Variants in PRIM2 observed in about 807,000 individuals in gnomAD.
PRIM2 encodes DNA primase large subunit.
Under a neutral mutation model 67.3 loss-of-function variants are expected in PRIM2, and 39 were observed. That is an observed-to-expected ratio of 0.58 (90% CI 0.45 to 0.76). The LOEUF (loss-of-function observed/expected upper bound fraction) is 0.76. Among genes scored for constraint, PRIM2 ranks in the 30% least tolerant of loss-of-function variants. The pLI, the probability that PRIM2 is intolerant of heterozygous loss-of-function variation, is 0.00. For synonymous variants in PRIM2, 143 were observed against 198.7 expected, an observed-to-expected ratio of 0.72 and a Z score of 2.36; for missense variants, 398 against 598.7, an observed-to-expected ratio of 0.66 and a Z score of 3.50.
intron 5 of PRIM2, among the ~76,000 whole-genome samples, chr6:57,334,925 ATTTCT>A (rs1768173314): frequency 6.6e-6 from 1 of 152,124 alleles, no homozygotes; most frequent in South Asian, 2.1e-4. Flanking sequence ...AAGATGGGTG[ATTTCT>A]GCATTTCCAT....
the PRIM2 span, among the ~76,000 whole-genome samples, chr6:57,236,876 A>G: frequency 5.9e-5 from 9 of 152,182 alleles, no homozygotes; most frequent in Admixed American, 2.0e-4. Context: ...CAATGAACAT[A>G]CTTGTGCATG....
chr6:57,221,835 C>A, the PRIM2 span: 5 of 152,506 alleles, frequency 3.3e-5, no homozygotes, highest in Admixed American at 3.3e-4. Flanking sequence ...CGGTCCGAAC[C>A]GGGGGATGGG....
chr6:57,349,910 T>A (rs1357661511), intron 5 of PRIM2, among the ~76,000 whole-genome samples: 3 of 152,238 alleles, frequency 2.0e-5, no homozygotes, highest in African/African-American at 7.2e-5. Flanking sequence ...AAAAAAAATC[T>A]TCTTAAACCT....
chr6:57,432,429 C>T lies in PRIM2; in HGVS notation c.693+50261C>T, dbSNP rs146242596. On this transcript the variant is annotated intron_variant, in intron 7 of 13. Coordinates refer to ENST00000615550, the MANE Select transcript of PRIM2 (RefSeq NM_000947.5). Reference sequence around the variant, plus strand: ...GAGTTCAGTTCTACTTGTTCTGTGACGGGCACTATTAAACCTAAAAAGAGT... The same window carrying T: ...GAGTTCAGTTCTACTTGTTCTGTGATGGGCACTATTAAACCTAAAAAGAGT... Among the ~76,000 whole-genome samples the T allele has an allele frequency of 3.9e-5, 6 of 152,184 alleles. No individual in the cohort carries two copies. The South Asian group carries it at 6.2e-4, about 16-fold the overall frequency.
the PRIM2 span, among the ~76,000 whole-genome samples, chr6:57,269,453 T>C: frequency 2.0e-5 from 3 of 152,080 alleles, no homozygotes; most frequent in Non-Finnish European, 4.4e-5. Flanking sequence ...TGTCTGTTCA[T>C]GTCCTTTGCC....
At chr6:57,374,303 AT>A (rs778117079) in intron 5 of PRIM2, among the ~76,000 whole-genome samples, 3 of 139,882 alleles carry the variant, frequency 2.1e-5, no homozygotes, top group African/African-American at 7.9e-5. Flanking sequence ...TTATTTATTT[AT>A]TTTTTTTGAG....
At chr6:57,488,228 T>A (rs1773798318) in intron 7 of PRIM2, among the ~76,000 whole-genome samples, 1 of 152,176 alleles carries the variant, frequency 6.6e-6, no homozygotes, top group East Asian at 1.9e-4. Flanking sequence ...GCATGCATAA[T>A]ATTGATTTTA....
At chr6:57,457,700 C>G (rs528501989) in intron 7 of PRIM2, among the ~76,000 whole-genome samples, 1 of 152,152 alleles carries the variant, frequency 6.6e-6, no homozygotes, top group Non-Finnish European at 1.5e-5. Flanking sequence ...CTTTCTTTGA[C>G]TAGGAAAGGG....
intron 13 of PRIM2, among the ~76,000 whole-genome samples, chr6:57,641,088 A>T (rs1777225011): frequency 6.6e-6 from 1 of 152,098 alleles, no homozygotes; most frequent in Admixed American, 6.6e-5. Flanking sequence ...AATGCCACAG[A>T]TCTACAACCT....
At chr6:57,369,615 A>G (rs955085851) in intron 5 of PRIM2, among the ~76,000 whole-genome samples, 1 of 152,168 alleles carries the variant, frequency 6.6e-6, no homozygotes, top group Admixed American at 6.5e-5. Context: ...GCATCTCTAA[A>G]ATAGTAATGT....
At chr6:57,537,756 A>G (rs1277401823) in intron 10 of PRIM2, 131 bp downstream of exon 10, 10 of 479,130 alleles carry the variant, frequency 2.1e-5, no homozygotes, top group Middle Eastern at 5.5e-4. Context: ...AAATGTGTTG[A>G]CAATTCAGTT....
intron 10 of PRIM2, among the ~76,000 whole-genome samples, chr6:57,565,070 C>A (rs2127479486): frequency 6.6e-6 from 1 of 152,252 alleles, no homozygotes; most frequent in African/African-American, 2.4e-5. Flanking sequence ...CATTAAAACA[C>A]CTGACATTAA....
At chr6:57,451,972 T>G (rs149261329) in intron 7 of PRIM2, among the ~76,000 whole-genome samples, 8 of 140,578 alleles carry the variant, frequency 5.7e-5, no homozygotes, top group African/African-American at 2.1e-4. Flanking sequence ...GTGATGTTCT[T>G]CTTCCTGTGT....
chr6:57,423,136 G>A (rs1771517645), intron 7 of PRIM2, among the ~76,000 whole-genome samples: 1 of 152,068 alleles, frequency 6.6e-6, no homozygotes. Flanking sequence ...AGTTGACTTG[G>A]TAGCCTATCG....
chr6:57,350,712 C>T (rs1034560957), intron 5 of PRIM2, among the ~76,000 whole-genome samples: 1 of 152,108 alleles, frequency 6.6e-6, no homozygotes, highest in Admixed American at 6.6e-5. Flanking sequence ...TTCAGTGCCG[C>T]GTGGTTCTTT....
intron 12 of PRIM2, among the ~76,000 whole-genome samples, chr6:57,617,011 G>C (rs1304814018): frequency 6.6e-6 from 1 of 152,160 alleles, no homozygotes; most frequent in Non-Finnish European, 1.5e-5. Context: ...TTCGTCCTTT[G>C]ATGGACACTG....
At chr6:57,406,725 T>G (rs1224972734) in intron 7 of PRIM2, among the ~76,000 whole-genome samples, 1 of 152,124 alleles carries the variant, frequency 6.6e-6, no homozygotes, top group Non-Finnish European at 1.5e-5. Flanking sequence ...GAAGGAAATG[T>G]TTTATGAGAC....
chr6:57,304,581 T>C, the PRIM2 span, among the ~76,000 whole-genome samples: 1 of 152,208 alleles, frequency 6.6e-6, no homozygotes, highest in Non-Finnish European at 1.5e-5. Context: ...TTCTAAGAGT[T>C]GCTTGTGTGG....
At chr6:57,391,192 A>C (rs1562727100) in intron 7 of PRIM2, among the ~76,000 whole-genome samples, 1 of 146,866 alleles carries the variant, frequency 6.8e-6, no homozygotes, top group East Asian at 2.0e-4. Flanking sequence ...TCCTCTTTAG[A>C]GAAGTGTCTG....
Sources: gnomAD v4.1 joint callset for allele counts (sites outside exome capture counted in the v4.1 genomes callset) on GRCh38, gnomAD v4.1.1 for gene constraint, MANE v1.5 for transcripts, NCBI Gene and HGNC (gene_info 2026-07-23, HGNC 2026-07-21) for gene names.